RYR2: variants seen among roughly 807,000 people sequenced by gnomAD.
RYR2 encodes the protein cardiac muscle ryanodine receptor-calcium release channel.
In RYR2, 227 loss-of-function variants were observed where a neutral mutation model predicts 601.1. That is an observed-to-expected ratio of 0.38 (90% confidence interval 0.34 to 0.42). The LOEUF (loss-of-function observed/expected upper bound fraction) is 0.42, where lower values mean the gene tolerates loss of function less well. Ranked by LOEUF, RYR2 falls within the 10% of genes least tolerant of loss-of-function variation. RYR2 has a pLI of 1.00. For missense variants in RYR2, 4,646 were observed against 6,156.5 expected (o/e 0.75, Z 8.21); for synonymous variants, 2,223 against 2,175.1 (o/e 1.02, Z -0.61).
At chr1:237,159,757 TATGATGGAGCA>T (rs1022714188) in intron 1 of RYR2, among the ~76,000 whole-genome samples, 2 of 152,162 alleles carry the variant, frequency 1.3e-5, no homozygotes, top group African/African-American at 4.8e-5. Flanking sequence ...ACAAAGAGAT[TATGATGGAGCA>T]ATGCTTTGGG....
intron 35 of RYR2, among the ~76,000 whole-genome samples, chr1:237,605,139 A>G (rs186955508): frequency 1.3e-5 from 2 of 152,336 alleles, no homozygotes; most frequent in Non-Finnish European, 2.9e-5. Flanking sequence ...CTTTAGACCA[A>G]TATCTCTGAT....
intron 1 of RYR2, among the ~76,000 whole-genome samples, chr1:237,081,159 T>G: frequency 8.1e-6 from 1 of 122,842 alleles, no homozygotes. Flanking sequence ...AGGGATAGCA[T>G]TGGAAGATAT....
intron 1 of RYR2, among the ~76,000 whole-genome samples, chr1:237,249,392 G>T (rs1687230112): frequency 6.6e-6 from 1 of 151,772 alleles, no homozygotes; most frequent in Non-Finnish European, 1.5e-5. Flanking sequence ...ATATGACCTT[G>T]TTCATGACCT....
Position 237,595,610 on chromosome 1 carries a change from C to T in RYR2, c.4549C>T (p.Leu1517=), listed in dbSNP as rs1367767985. ...CTGTGTGGTGGATGCTGCCAGCGGG[C>T]TGCTCACATTCATTGCCAATGGCAA... is the stretch of plus-strand genomic sequence containing the variant. The part of the protein sequence containing the change: ...IGCVVDAASG[L]LTFIANGKEL... The change falls in exon 34 of 105, where the codon CTG becomes TTG. Residue 1517 remains leucine (L), a synonymous_variant. Transcript: ENST00000366574. 14 of 1,613,212 alleles carry T rather than the reference C, an allele frequency of 8.7e-6. No homozygotes were observed. The Admixed American group carries it at 1.7e-4, about 19-fold the overall frequency.
At chr1:237,253,037 C>T (rs537018080) in intron 1 of RYR2, among the ~76,000 whole-genome samples, 136 of 151,834 alleles carry the variant, frequency 9.0e-4, no homozygotes, top group South Asian at 1.5e-3. Context: ...TGGTGGTACA[C>T]GCCTGTAATC....
intron 4 of RYR2, among the ~76,000 whole-genome samples, chr1:237,360,455 A>G (rs575956913): frequency 6.6e-6 from 1 of 152,222 alleles, no homozygotes. Context: ...GTGAGAACTT[A>G]TAGTAGCTTA....
intron 35 of RYR2, among the ~76,000 whole-genome samples, chr1:237,604,127 C>T (rs1676830235): frequency 6.6e-6 from 1 of 152,152 alleles, no homozygotes. Flanking sequence ...ACATTCTTCT[C>T]ATCACCACAT....
chr1:237,742,834 T>C (rs1691732172), intron 80 of RYR2, among the ~76,000 whole-genome samples: 1 of 152,212 alleles, frequency 6.6e-6, no homozygotes, highest in Non-Finnish European at 1.5e-5. Flanking sequence ...TTTGCTTGCA[T>C]GAGGTAGGAG....
rs550691734 is a variant in RYR2, at chr1:237,674,814, T to G, written c.8798T>G (p.Val2933Gly). The G allele has an allele frequency of 5.2e-5, 84 of 1,609,840 alleles. No homozygotes were observed. In the Middle Eastern group the frequency reaches 6.6e-4, roughly 13 times the overall value. ...TTCCTCCAACAACTCATTCGCTATG[T>G]GGATGAAGCCCATCAGTATATCCTG... ...YSFLQQLIRY[V>G]DEAHQYILEF... The change falls in exon 60 of 105, where the codon GTG becomes GGG. Residue 2933 changes from valine to glycine, a missense_variant. Physicochemically the swap from Val to Gly is moderately radical, Grantham distance 109 (BLOSUM62 -3). Transcript: ENST00000366574.
chr1:237,196,054 A>G lies in RYR2; in HGVS notation c.49-74443A>G, dbSNP rs879018617. On this transcript the variant is annotated intron_variant, in intron 1 of 104. Coordinates refer to ENST00000366574, the MANE Select transcript of RYR2 (RefSeq NM_001035.3). Reference sequence around the variant, plus strand: ...GAAATTCATGCGACCTTTTAAGGACATCGTAGCAGTGCTTTGCTTTTTATA... The same window carrying G: ...GAAATTCATGCGACCTTTTAAGGACGTCGTAGCAGTGCTTTGCTTTTTATA... 4.6e-5 allele frequency among the ~76,000 whole-genome samples: 7 copies of G among 152,212 alleles called. No homozygotes were observed. In the East Asian group the frequency reaches 7.7e-4, roughly 17 times the overall value.
chr1:237,144,165 G>A (rs192598639), intron 1 of RYR2, among the ~76,000 whole-genome samples: 34 of 151,998 alleles, frequency 2.2e-4, no homozygotes, highest in Non-Finnish European at 4.4e-4. Context: ...AGAATGTGAC[G>A]CATGTTATAG....
Position 237,828,365 on chromosome 1 carries a change from T to TTTTATTTAACACCAGGTCTA in RYR2, c.14591-15_14595dup. On this transcript the variant is annotated splice_polypyrimidine_tract_variant and intron_variant, in intron 101 of 104. Transcript: ENST00000366574. ...TTGCTTGATAAAGATTAAATTGTGTTTTTATTTAACACCAGGTCTAATTAT... is the reference window on the plus strand; with the variant it reads ...TTGCTTGATAAAGATTAAATTGTGTTTTTATTTAACACCAGGTCTATTTATTTAACACCAGGTCTAATTAT... 6.5e-7 allele frequency: 1 copy of TTTTATTTAACACCAGGTCTA among 1,527,552 alleles called. No individual in the cohort carries two copies. The highest frequency in any genetic ancestry group is 8.9e-7 in the Non-Finnish European group (1 of 1,124,430). The allele number at this position is 1,527,552 out of a possible 1,614,324, so 94.6% of individuals were successfully genotyped here.
chr1:237,057,881 C>T (rs893029784), intron 1 of RYR2, among the ~76,000 whole-genome samples: 2 of 152,102 alleles, frequency 1.3e-5, no homozygotes, highest in African/African-American at 2.4e-5. Flanking sequence ...TTTCTTAATT[C>T]GAGAGCACAT....
At chr1:237,170,141 G>T (rs1158857829) in intron 1 of RYR2, among the ~76,000 whole-genome samples, 2 of 152,188 alleles carry the variant, frequency 1.3e-5, no homozygotes, top group African/African-American at 4.8e-5. Context: ...AAAACACATG[G>T]TAATAGGAAG....
At chr1:237,624,565 T>G (rs1373505188) in intron 39 of RYR2, among the ~76,000 whole-genome samples, 1 of 152,220 alleles carries the variant, frequency 6.6e-6, no homozygotes, top group African/African-American at 2.4e-5. Context: ...AACAGTTGTA[T>G]TTAAAGCAGT....
At chr1:237,363,101 C>A (rs1699916037) in intron 4 of RYR2, among the ~76,000 whole-genome samples, 1 of 151,332 alleles carries the variant, frequency 6.6e-6, no homozygotes, top group South Asian at 2.1e-4. Context: ...AAAAAAATCT[C>A]ATGAAGAAAG....
At chr1:237,063,404 TATTC>T (rs1663124085) in intron 1 of RYR2, among the ~76,000 whole-genome samples, 1 of 151,984 alleles carries the variant, frequency 6.6e-6, no homozygotes, top group Non-Finnish European at 1.5e-5. Flanking sequence ...GCTTGTGAGT[TATTC>T]ATTCTTTTAT....
chr1:237,270,627 G>C lies in RYR2; in HGVS notation c.168+11G>C. 2 of 1,566,158 alleles carry C rather than the reference G, an allele frequency of 1.3e-6. No individual in the cohort carries two copies. Among genetic ancestry groups the C allele is most frequent in the Non-Finnish European group, 1.7e-6 (2 of 1,154,436 alleles). ...ACTTCCAATTCCAAGGTGGGATGAA[G>C]TCTTTCAAGGCTATTCAAATATGCA... is the stretch of plus-strand genomic sequence containing the variant. On this transcript the variant is annotated intron_variant, in intron 2 of 104. Coordinates refer to ENST00000366574, the MANE Select transcript of RYR2 (RefSeq NM_001035.3).
intron 51 of RYR2, 35 bp downstream of exon 51, chr1:237,651,536 C>A: frequency 7.9e-7 from 1 of 1,271,664 alleles, no homozygotes; most frequent in Non-Finnish European, 1.1e-6. Flanking sequence ...TATTTGATTA[C>A]TGGCTTCTCT....
Sources: gnomAD v4.1 joint callset for allele counts (sites outside exome capture counted in the v4.1 genomes callset) on GRCh38, gnomAD v4.1.1 for gene constraint, MANE v1.5 for transcripts, NCBI Gene and HGNC (gene_info 2026-07-23, HGNC 2026-07-21) for gene names.